The following KLHL5 variants were observed in gnomAD, a reference collection of about 807,000 sequenced individuals.
The protein encoded by KLHL5 is kelch like family member 5.
A neutral mutation model predicts 77.7 loss-of-function variants in KLHL5; 48 were observed. That is an observed-to-expected ratio of 0.62 (90% CI 0.49 to 0.79). KLHL5 has a LOEUF of 0.79. KLHL5 is among the 30% of genes least tolerant of loss of function. The probability of loss-of-function intolerance (pLI) is 0.00; values close to 1 mark genes in which losing one functional copy is unlikely to be tolerated. For missense variants in KLHL5, 723 were observed against 859.7 expected (o/e 0.84, Z 1.99); for synonymous variants, 260 against 297.0 (o/e 0.88, Z 1.28).
At chr4:39,117,839 C>A (rs1722947369) in intron 10 of KLHL5, among the ~76,000 whole-genome samples, 1 of 152,080 alleles carries the variant, frequency 6.6e-6, no homozygotes, top group Admixed American at 6.6e-5. Context: ...CTTTGGGAGG[C>A]CAAGGTCGGC....
chr4:39,126,211 AATG>A lies in KLHL5; in HGVS notation c.*5148_*5150del, dbSNP rs1478335171. Among the ~76,000 whole-genome samples the A allele has an allele frequency of 6.6e-6, 1 of 152,196 alleles. No individual in the cohort carries two copies. Among genetic ancestry groups the A allele is most frequent in the Non-Finnish European group, 1.5e-5 (1 of 68,044 alleles). ...TTACACAAAAACAAATATTCAATAA[AATG>A]ATATTTAATTTCACTGTGACTAGAT... On this transcript the variant is annotated 3_prime_UTR_variant, in exon 11 of 11. Transcript: ENST00000504108.
chr4:39,085,410 T>C (rs1358300243), intron 4 of KLHL5, among the ~76,000 whole-genome samples: 1 of 152,204 alleles, frequency 6.6e-6, no homozygotes, highest in African/African-American at 2.4e-5. Flanking sequence ...AAGATAGTTA[T>C]TGATAGTCCT....
At chr4:39,102,384 T>TAAAAAAA (rs542878375) in intron 6 of KLHL5, among the ~76,000 whole-genome samples, 1 of 133,142 alleles carries the variant, frequency 7.5e-6, no homozygotes, top group Non-Finnish European at 1.6e-5. Context: ...TTCCAATTCT[T>TAAAAAAA]AAAAAAAAAA....
intron 6 of KLHL5, among the ~76,000 whole-genome samples, chr4:39,098,775 A>G (rs772853550): frequency 2.6e-5 from 4 of 152,006 alleles, no homozygotes; most frequent in Non-Finnish European, 4.4e-5. Flanking sequence ...CACGTCAGCC[A>G]GGATGGTCTT....
At chr4:39,061,244 C>T (rs1350566952), upstream of KLHL5, among the ~76,000 whole-genome samples, 3 of 152,140 alleles carry the variant, frequency 2.0e-5, no homozygotes, top group Non-Finnish European at 4.4e-5. Flanking sequence ...TTAAGATAGA[C>T]ACCTCACAAT....
chr4:39,060,626 T>G (rs767080968), upstream of KLHL5, among the ~76,000 whole-genome samples: 1 of 152,178 alleles, frequency 6.6e-6, no homozygotes, highest in Non-Finnish European at 1.5e-5. Context: ...CAAACAGTGT[T>G]ATAAAAGAGG....
At chr4:39,104,626 A>G (rs538856072) in intron 7 of KLHL5, among the ~76,000 whole-genome samples, 7 of 152,318 alleles carry the variant, frequency 4.6e-5, no homozygotes, top group African/African-American at 1.7e-4. Flanking sequence ...AACTGCAGCA[A>G]GTTGAAAGGA....
chr4:39,136,027 T>C, the KLHL5 span, among the ~76,000 whole-genome samples: 1 of 150,650 alleles, frequency 6.6e-6, no homozygotes, highest in African/African-American at 2.5e-5. Flanking sequence ...TGTGTGTGTG[T>C]GTGTGTGTGT....
At chr4:39,094,658 CGATAG>C (rs1720892946) in intron 5 of KLHL5, among the ~76,000 whole-genome samples, 1 of 150,850 alleles carries the variant, frequency 6.6e-6, no homozygotes, top group African/African-American at 2.5e-5. Context: ...ACAAATAGAT[CGATAG>C]AACAGAATAA....
intron 5 of KLHL5, among the ~76,000 whole-genome samples, chr4:39,095,554 G>C (rs1237244885): frequency 1.3e-5 from 2 of 151,688 alleles, no homozygotes; most frequent in South Asian, 2.1e-4. Flanking sequence ...AAGGACTTCT[G>C]TACTGGACTT....
chr4:39,075,129 C>T (rs375547289), intron 1 of KLHL5, among the ~76,000 whole-genome samples: 2 of 151,990 alleles, frequency 1.3e-5, no homozygotes, highest in Non-Finnish European at 2.9e-5. Context: ...GTCAGGAGTT[C>T]GAGACCAGCC....
At chr4:39,066,059 A>G (rs1016894006) in intron 1 of KLHL5, among the ~76,000 whole-genome samples, 2 of 152,160 alleles carry the variant, frequency 1.3e-5, no homozygotes, top group Non-Finnish European at 2.9e-5. Context: ...ACTGCCATCC[A>G]CCTAAGTGAT....
chr4:39,069,367 T>C (rs1718190012), intron 1 of KLHL5, among the ~76,000 whole-genome samples: 1 of 151,070 alleles, frequency 6.6e-6, no homozygotes, highest in East Asian at 1.9e-4. Flanking sequence ...TGAAGATGGC[T>C]GAATAGAACT....
chr4:39,054,106 C>T (rs777480679), intron 1 of KLHL5, among the ~76,000 whole-genome samples: 2 of 152,212 alleles, frequency 1.3e-5, no homozygotes, highest in African/African-American at 4.8e-5. Context: ...CAGATATTAT[C>T]GGCAAAGAAT....
chr4:39,078,762 G>A (rs1042848112), intron 2 of KLHL5, among the ~76,000 whole-genome samples: 4 of 152,078 alleles, frequency 2.6e-5, no homozygotes, highest in Non-Finnish European at 1.5e-5. Flanking sequence ...GGTGGGAAGG[G>A]AGTAAGGGAT....
upstream of KLHL5, among the ~76,000 whole-genome samples, chr4:39,058,003 A>G (rs568746117): frequency 6.6e-5 from 10 of 152,294 alleles, no homozygotes; most frequent in African/African-American, 2.4e-4. Flanking sequence ...CATCTTTTAA[A>G]TTCACAGACA....
At chr4:39,051,798 A>G (rs1266589914) in intron 1 of KLHL5, among the ~76,000 whole-genome samples, 1 of 152,262 alleles carries the variant, frequency 6.6e-6, no homozygotes, top group Non-Finnish European at 1.5e-5. Flanking sequence ...GGGTTCTGTA[A>G]AAGCTATGCT....
intron 6 of KLHL5, among the ~76,000 whole-genome samples, chr4:39,102,691 C>CT (rs1721692303): frequency 6.6e-6 from 1 of 152,134 alleles, no homozygotes; most frequent in African/African-American, 2.4e-5. Context: ...TAAGCAAACT[C>CT]TGAGTTTTCA....
chr4:39,063,066 G>T lies in KLHL5; in HGVS notation c.383+31G>T, dbSNP rs751238921. On this transcript the variant is annotated intron_variant, in intron 1 of 10. Transcript: ENST00000504108. The stretch of plus-strand genomic sequence containing the variant: ...TTATTTTCTTACTGTTAGAAAAGGG[G>T]TGTGGGGGTATGGCTCTATAATGTT... The T allele has an allele frequency of 3.9e-6, 6 of 1,544,914 alleles. 1 individual carries two copies. The highest frequency in any genetic ancestry group is 4.4e-6 in the Non-Finnish European group (5 of 1,132,472).
Sources: allele counts gnomAD v4.1 joint callset (sites outside exome capture counted in the v4.1 genomes callset), GRCh38; gene constraint gnomAD v4.1.1; transcripts MANE v1.5; gene names NCBI Gene and HGNC (gene_info 2026-07-23, HGNC 2026-07-21).